The following SYT9 variants were observed in gnomAD, a reference collection of about 807,000 sequenced individuals.
SYT9 encodes synaptotagmin 9, also known as synaptotagmin-9.
In SYT9, 22 loss-of-function variants were observed where a neutral mutation model predicts 48.4. The ratio of observed to expected loss-of-function variants is 0.45; its 90% CI spans 0.32 to 0.65. The LOEUF is 0.65. Among genes scored for constraint, SYT9 ranks in the 30% least tolerant of loss-of-function variants. The probability of loss-of-function intolerance (pLI) is 0.03; values close to 1 mark genes in which losing one functional copy is unlikely to be tolerated. For synonymous variants in SYT9, 265 were observed against 245.0 expected, an observed-to-expected ratio of 1.08 and a Z score of -0.76; for missense variants, 577 against 622.0, an observed-to-expected ratio of 0.93 and a Z score of 0.77.
chr11:7,445,374 G>T (rs994137534), intron 6 of SYT9, among the ~76,000 whole-genome samples: 3 of 152,158 alleles, frequency 2.0e-5, no homozygotes, highest in African/African-American at 7.2e-5. Context: ...GGGCTTCACT[G>T]TCCAGCCTTG....
chr11:7,293,635 GA>G (rs927481215), intron 1 of SYT9, among the ~76,000 whole-genome samples: 1 of 152,206 alleles, frequency 6.6e-6, no homozygotes, highest in Non-Finnish European at 1.5e-5. Flanking sequence ...GGCAGTTTCA[GA>G]AGAACCACAT....
chr11:7,363,520 A>G (rs751681276), intron 3 of SYT9, among the ~76,000 whole-genome samples: 17 of 152,184 alleles, frequency 1.1e-4, no homozygotes, highest in Non-Finnish European at 1.6e-4. Context: ...TGTTAGATAA[A>G]TGGGCTTGAA....
intron 1 of SYT9, among the ~76,000 whole-genome samples, chr11:7,254,836 T>C (rs1298079661): frequency 6.6e-6 from 1 of 152,114 alleles, no homozygotes; most frequent in Non-Finnish European, 1.5e-5. Context: ...ACCCTGCATC[T>C]AGGAAATTTA....
chr11:7,247,619 GTATATATACGTGTATATATACGTGA>G (rs1847810124), upstream of SYT9, among the ~76,000 whole-genome samples: 2 of 142,764 alleles, frequency 1.4e-5, no homozygotes, highest in Admixed American at 1.4e-4. Context: ...ATATATACGT[GTATATATACGTGTATATATACGTGA>G]TATATATATA....
rs10839773 is a variant in SYT9, at chr11:7,364,468, T to G, written c.1044+50527T>G. 1.1e-4 allele frequency among the ~76,000 whole-genome samples: 16 copies of G among 152,138 alleles called. No homozygotes were observed. The South Asian group carries it at 3.1e-3, about 30-fold the overall frequency. On this transcript the variant is annotated intron_variant, in intron 3 of 6. Coordinates refer to ENST00000318881, the MANE Select transcript of SYT9 (RefSeq NM_175733.4). ...CAAAAAATCCAATAATGTGATTATT[T>G]TCATTCTATAGATAAAGAAACAAAT...
intron 3 of SYT9, among the ~76,000 whole-genome samples, chr11:7,388,415 G>A (rs1406121065): frequency 6.6e-6 from 1 of 151,712 alleles, no homozygotes; most frequent in Non-Finnish European, 1.5e-5. Flanking sequence ...CTTGAAAGAG[G>A]GCTATTTTTA....
At chr11:7,248,921 G>C (rs924457714), upstream of SYT9, among the ~76,000 whole-genome samples, 5 of 152,134 alleles carry the variant, frequency 3.3e-5, no homozygotes, top group African/African-American at 1.2e-4. Context: ...CACATTACCT[G>C]ATTTCAAACT....
At chr11:7,460,460 GATTAT>G (rs1688133545) in intron 6 of SYT9, among the ~76,000 whole-genome samples, 1 of 152,012 alleles carries the variant, frequency 6.6e-6, no homozygotes, top group Non-Finnish European at 1.5e-5. Flanking sequence ...TTTAAAATGT[GATTAT>G]ATTAAACACT....
chr11:7,239,187 G>A lies in SYT9; in HGVS notation c.49+271G>A, dbSNP rs74053912. On this transcript the variant is annotated intron_variant and NMD_transcript_variant, in intron 1 of 8. Transcript: ENST00000524820. ...TTGAAGGCAAGTAACAGAAAACACT[G>A]CCTCAAAGTAGCTTAAATAATATGG... Among the ~76,000 whole-genome samples the A allele has an allele frequency of 6.6e-3, 1,002 of 152,222 alleles. 8 individuals are homozygous for A. Among genetic ancestry groups the A allele is most frequent in the African/African-American group, 0.023 (960 of 41,520 alleles).
chr11:7,332,872 C>A (rs1488927313), intron 3 of SYT9, among the ~76,000 whole-genome samples: 1 of 152,196 alleles, frequency 6.6e-6, no homozygotes, highest in Non-Finnish European at 1.5e-5. Flanking sequence ...AATTTCATCT[C>A]TGAAGAAAGG....
At chr11:7,366,170 C>T (rs7937079) in intron 3 of SYT9, among the ~76,000 whole-genome samples, 45,021 of 152,024 alleles carry the variant, frequency 0.3, 7,314 homozygotes, top group East Asian at 0.63. Flanking sequence ...CTCTCTATGG[C>T]TAGCAATTTC....
chr11:7,453,641 T>G (rs1848099457), intron 6 of SYT9, among the ~76,000 whole-genome samples: 1 of 152,216 alleles, frequency 6.6e-6, no homozygotes, highest in African/African-American at 2.4e-5. Context: ...CACTCCTTTG[T>G]GCTGGGTGGC....
At chr11:7,414,531 T>G (rs1847201865) in intron 3 of SYT9, among the ~76,000 whole-genome samples, 1 of 152,198 alleles carries the variant, frequency 6.6e-6, no homozygotes, top group Admixed American at 6.5e-5. Context: ...GTCTGCTGTG[T>G]GTAAAACCTC....
Position 7,313,767 on chromosome 11 carries a change from A to T in SYT9, c.870A>T (p.Leu290Phe). 1 of 1,614,144 alleles carries T rather than the reference A, an allele frequency of 6.2e-7. No individual in the cohort carries two copies. Among genetic ancestry groups the T allele is most frequent in the Non-Finnish European group, 8.5e-7 (1 of 1,180,014 alleles). The change falls in exon 3 of 7, where the codon TTA (leucine) becomes TTT (phenylalanine). Residue 290 changes from leucine (L) to phenylalanine (F), a missense_variant. By Grantham distance (22) the Leu-to-Phe change is conservative (BLOSUM62 0). Coordinates refer to ENST00000318881, the MANE Select transcript of SYT9 (RefSeq NM_175733.4). ...ACCCTGTGTTTGATGAAGTGTTTTTATTTCCGGTTCCCTACAATGACCTTG... is the reference window on the plus strand; with the variant it reads ...ACCCTGTGTTTGATGAAGTGTTTTTTTTTCCGGTTCCCTACAATGACCTTG... ...TLNPVFDEVF[L>F]FPVPYNDLEA...
At chr11:7,281,843 A>G (rs1053002086) in intron 1 of SYT9, among the ~76,000 whole-genome samples, 5 of 152,170 alleles carry the variant, frequency 3.3e-5, no homozygotes, top group Non-Finnish European at 7.3e-5. Context: ...TCTCGCTGTT[A>G]TGCTTGTAAG....
chr11:7,289,691 C>T (rs371059813), intron 1 of SYT9, among the ~76,000 whole-genome samples: 19 of 152,182 alleles, frequency 1.2e-4, no homozygotes, highest in African/African-American at 4.6e-4. Flanking sequence ...TTCTTTGTAT[C>T]TTCTAGTTTG....
At chr11:7,457,581 A>C (rs760714609) in intron 6 of SYT9, 4 of 152,190 alleles carry the variant, frequency 2.6e-5, no homozygotes, top group Non-Finnish European at 5.9e-5. Context: ...TTTCTTAGAT[A>C]AATTCTCCAT....
At chr11:7,281,777 G>A (rs758630486) in intron 1 of SYT9, among the ~76,000 whole-genome samples, 1 of 152,120 alleles carries the variant, frequency 6.6e-6, no homozygotes, top group Non-Finnish European at 1.5e-5. Context: ...ATTTTTGGAT[G>A]GTAATAGAAT....
chr11:7,323,972 A>G (rs1435870728), intron 3 of SYT9, among the ~76,000 whole-genome samples: 1 of 151,848 alleles, frequency 6.6e-6, no homozygotes, highest in Non-Finnish European at 1.5e-5. Flanking sequence ...CTCTTTTCCT[A>G]GTCTCTTAAA....
Sources: gnomAD v4.1 joint callset for allele counts (sites outside exome capture counted in the v4.1 genomes callset) on GRCh38, gnomAD v4.1.1 for gene constraint, MANE v1.5 for transcripts, NCBI Gene and HGNC (gene_info 2026-07-23, HGNC 2026-07-21) for gene names.